Variants in TRAPPC9 observed in about 807,000 individuals in gnomAD.
TRAPPC9 encodes IKK2 binding protein.
Under a neutral mutation model 124.0 loss-of-function variants are expected in TRAPPC9, and 83 were observed. The observed-to-expected ratio is 0.67, with a 90% CI of 0.56 to 0.80. TRAPPC9 has a LOEUF of 0.80. Among genes scored for constraint, TRAPPC9 ranks in the 30% least tolerant of loss-of-function variants. The probability of loss-of-function intolerance (pLI) is 0.00; values close to 1 mark genes in which losing one functional copy is unlikely to be tolerated. For missense variants in TRAPPC9, 1,302 were observed against 1,508.3 expected (o/e 0.86, Z 2.27); for synonymous variants, 638 against 617.5 (o/e 1.03, Z -0.49).
At chr8:139,784,758 G>A (rs1233572090) in intron 21 of TRAPPC9, among the ~76,000 whole-genome samples, 3 of 151,644 alleles carry the variant, frequency 2.0e-5, no homozygotes, top group African/African-American at 7.3e-5. Context: ...TCTGACAGAA[G>A]GCGTGTGAGA....
intron 19 of TRAPPC9, among the ~76,000 whole-genome samples, chr8:139,915,433 G>C (rs181768221): frequency 6.2e-4 from 95 of 152,264 alleles, no homozygotes; most frequent in Non-Finnish European, 9.4e-4. Flanking sequence ...TTTTAGTAGA[G>C]ATGGGGTTTC....
intron 5 of TRAPPC9, among the ~76,000 whole-genome samples, chr8:140,425,598 T>TG (rs2070394530): frequency 3.3e-5 from 5 of 152,322 alleles, no homozygotes; most frequent in African/African-American, 1.2e-4. Context: ...CTAATTCTCC[T>TG]ACAACTAATG....
chr8:140,047,509 G>A (rs1841689300), intron 17 of TRAPPC9, among the ~76,000 whole-genome samples: 1 of 152,228 alleles, frequency 6.6e-6, no homozygotes, highest in Admixed American at 6.5e-5. Context: ...AAGAAAACGA[G>A]TGACTGCCTC....
chr8:140,394,554 G>A (rs964210646), intron 7 of TRAPPC9, among the ~76,000 whole-genome samples: 1 of 152,196 alleles, frequency 6.6e-6, no homozygotes, highest in Non-Finnish European at 1.5e-5. Context: ...GTGAACCTGA[G>A]CCCATCTGAC....
intron 21 of TRAPPC9, among the ~76,000 whole-genome samples, chr8:139,811,145 C>A (rs112232862): frequency 1.1e-4 from 17 of 151,918 alleles, no homozygotes; most frequent in African/African-American, 4.1e-4. Flanking sequence ...CCAGCCATTA[C>A]AAAAGAACAA....
chr8:140,296,721 G>A (rs1056088551), intron 11 of TRAPPC9, among the ~76,000 whole-genome samples: 1 of 152,216 alleles, frequency 6.6e-6, no homozygotes, highest in Non-Finnish European at 1.5e-5. Context: ...CCCTATGTTT[G>A]CATTTTGCAC....
At chr8:140,036,166 C>T (rs892861123) in intron 17 of TRAPPC9, among the ~76,000 whole-genome samples, 11 of 151,620 alleles carry the variant, frequency 7.3e-5, no homozygotes, top group East Asian at 1.9e-4. Context: ...GTGCTCCCAA[C>T]GGGCTGGGAA....
rs138044023 is a variant in TRAPPC9 at position 140,236,833 on chromosome 8, C to T, written c.2432-15250G>A. On this transcript the variant is annotated intron_variant, in intron 16 of 22. Coordinates refer to ENST00000438773, the MANE Select transcript of TRAPPC9 (RefSeq NM_001160372.4). The stretch of plus-strand genomic sequence containing the variant: ...CCCAAATTAATCTATAGATTTGATG[C>T]AGTCCCAGTCAATATTCTAACATAC... 4.5e-3 allele frequency among the ~76,000 whole-genome samples: 689 copies of T among 152,304 alleles called. 6 individuals carry two copies. Among genetic ancestry groups the T allele is most frequent in the African/African-American group, 0.015 (637 of 41,562 alleles).
chr8:139,913,712 G>A (rs985682453), intron 19 of TRAPPC9, among the ~76,000 whole-genome samples: 1 of 152,210 alleles, frequency 6.6e-6, no homozygotes, highest in Admixed American at 6.5e-5. Context: ...TTTTCCTGCA[G>A]TGACAAAACT....
chr8:139,978,162 G>A (rs1275441504), intron 19 of TRAPPC9, among the ~76,000 whole-genome samples: 1 of 152,196 alleles, frequency 6.6e-6, no homozygotes, highest in African/African-American at 2.4e-5. Flanking sequence ...ACAGGTGTGA[G>A]CCACGGCGCC....
intron 9 of TRAPPC9, 132 bp from the exon 10 acceptor site, chr8:140,311,506 CAA>C: frequency 1.9e-6 from 2 of 1,031,430 alleles, no homozygotes; most frequent in East Asian, 5.2e-5. Flanking sequence ...GGGCAGTGAG[CAA>C]AAGAGACCAG....
intron 21 of TRAPPC9, among the ~76,000 whole-genome samples, chr8:139,866,752 G>C (rs968482857): frequency 2.0e-5 from 3 of 152,072 alleles, no homozygotes; most frequent in Non-Finnish European, 4.4e-5. Flanking sequence ...CAGACAGAAA[G>C]AGATGTTGAG....
chr8:139,859,378 C>T (rs1827993609), intron 21 of TRAPPC9, among the ~76,000 whole-genome samples: 1 of 152,218 alleles, frequency 6.6e-6, no homozygotes, highest in Non-Finnish European at 1.5e-5. Context: ...CCCCCAGAGA[C>T]ATTTAGTTAA....
intron 14 of TRAPPC9, among the ~76,000 whole-genome samples, chr8:140,281,483 A>G (rs1039686037): frequency 6.6e-6 from 1 of 152,228 alleles, no homozygotes; most frequent in African/African-American, 2.4e-5. Flanking sequence ...TTAAGTTTTA[A>G]GAGTTCTTAA....
At chr8:140,390,841 C>T (rs1253750989) in intron 7 of TRAPPC9, among the ~76,000 whole-genome samples, 2 of 152,216 alleles carry the variant, frequency 1.3e-5, no homozygotes, top group African/African-American at 4.8e-5. Context: ...CCAACAGTTT[C>T]TTTGTGAGAA....
chr8:140,350,497 T>C (rs901202671), intron 9 of TRAPPC9, among the ~76,000 whole-genome samples: 3 of 152,218 alleles, frequency 2.0e-5, no homozygotes, highest in Non-Finnish European at 4.4e-5. Context: ...TCCATCCATT[T>C]AACAGTATTT....
intron 10 of TRAPPC9, among the ~76,000 whole-genome samples, chr8:140,304,894 G>A (rs1426845665): frequency 6.6e-6 from 1 of 151,044 alleles, no homozygotes. Context: ...TCCTCTGGGA[G>A]AGCCACCTTC....
intron 17 of TRAPPC9, among the ~76,000 whole-genome samples, chr8:140,143,559 GATCA>G (rs1438657196): frequency 1.3e-5 from 2 of 152,182 alleles, no homozygotes; most frequent in African/African-American, 4.8e-5. Context: ...GAATCAAACT[GATCA>G]ATCTTTTCCT....
intron 17 of TRAPPC9, among the ~76,000 whole-genome samples, chr8:140,169,160 A>G (rs1429654936): frequency 2.6e-5 from 4 of 151,130 alleles, no homozygotes; most frequent in Non-Finnish European, 4.4e-5. Context: ...TAAAATTGCT[A>G]TTAGTTTTTT....
Sources: allele counts gnomAD v4.1 joint callset (sites outside exome capture counted in the v4.1 genomes callset), GRCh38; gene constraint gnomAD v4.1.1; transcripts MANE v1.5; gene names NCBI Gene and HGNC (gene_info 2026-07-23, HGNC 2026-07-21).